Variants in ELAPOR2 observed in about 807,000 individuals in gnomAD.
ELAPOR2 encodes the protein endosome/lysosome-associated apoptosis and autophagy regulator family member 2.
Under a neutral mutation model 120.7 loss-of-function variants are expected in ELAPOR2, and 89 were observed. That is an observed-to-expected ratio of 0.74 (90% CI 0.62 to 0.88). The LOEUF (loss-of-function observed/expected upper bound fraction) is 0.88, where lower values mean the gene tolerates loss of function less well. ELAPOR2 is among the 40% of genes least tolerant of loss of function. ELAPOR2 has a pLI of 0.00. For synonymous variants in ELAPOR2, 444 were observed against 444.9 expected, an observed-to-expected ratio of 1.00 and a Z score of 0.03; for missense variants, 1,134 against 1,251.6, an observed-to-expected ratio of 0.91 and a Z score of 1.42.
At chr7:86,985,007 C>T (rs1792663272) in intron 1 of ELAPOR2, among the ~76,000 whole-genome samples, 1 of 152,122 alleles carries the variant, frequency 6.6e-6, no homozygotes, top group Middle Eastern at 3.4e-3. Context: ...GGGGATATCA[C>T]CACCAATCCC....
chr7:86,996,639 A>T (rs1342140860), intron 1 of ELAPOR2, among the ~76,000 whole-genome samples: 1 of 152,202 alleles, frequency 6.6e-6, no homozygotes, highest in Non-Finnish European at 1.5e-5. Context: ...TTCTTAAAAG[A>T]CCACACTGGC....
intron 1 of ELAPOR2, among the ~76,000 whole-genome samples, chr7:86,974,579 T>TAG (rs1478968448): frequency 2.5e-5 from 1 of 39,366 alleles, no homozygotes; most frequent in Admixed American, 2.5e-4. Flanking sequence ...TGAACCCCTG[T>TAG]AGTGTGTGTG....
chr7:86,950,640 G>C (rs915652379), intron 2 of ELAPOR2, among the ~76,000 whole-genome samples: 7 of 152,214 alleles, frequency 4.6e-5, no homozygotes, highest in African/African-American at 1.7e-4. Context: ...ATGCCTGGCT[G>C]TGCATGGTAG....
At chr7:87,009,724 T>C (rs1270169165) in intron 1 of ELAPOR2, among the ~76,000 whole-genome samples, 1 of 152,140 alleles carries the variant, frequency 6.6e-6, no homozygotes, top group Non-Finnish European at 1.5e-5. Flanking sequence ...CCTCTAGCAA[T>C]AAAAAGGCCC....
intron 12 of ELAPOR2, among the ~76,000 whole-genome samples, chr7:86,917,102 G>A (rs891756506): frequency 2.7e-5 from 4 of 150,786 alleles, no homozygotes; most frequent in Non-Finnish European, 4.4e-5. Flanking sequence ...CATCACGCCA[G>A]CCTCTACTGT....
intron 19 of ELAPOR2, among the ~76,000 whole-genome samples, chr7:86,897,274 C>T (rs570187887): frequency 4.6e-5 from 7 of 152,166 alleles, no homozygotes; most frequent in African/African-American, 1.2e-4. Context: ...CAGGTAAATA[C>T]TAAAAGCCTG....
At chr7:87,011,756 A>G (rs1428368154) in intron 1 of ELAPOR2, among the ~76,000 whole-genome samples, 4 of 152,196 alleles carry the variant, frequency 2.6e-5, no homozygotes, top group Non-Finnish European at 5.9e-5. Context: ...CTTTCTAACA[A>G]TATTAAAGGT....
chr7:87,046,669 T>C (rs1794968077), intron 1 of ELAPOR2, among the ~76,000 whole-genome samples: 1 of 152,194 alleles, frequency 6.6e-6, no homozygotes, highest in African/African-American at 2.4e-5. Flanking sequence ...TGAGATCTGA[T>C]GATGTCATAA....
At chr7:86,886,928 A>G (rs1799720464) in intron 21 of ELAPOR2, among the ~76,000 whole-genome samples, 1 of 152,132 alleles carries the variant, frequency 6.6e-6, no homozygotes, top group Non-Finnish European at 1.5e-5. Flanking sequence ...TCAATCATCT[A>G]TGAATAACTG....
At chr7:87,003,075 C>T (rs953791868) in intron 1 of ELAPOR2, among the ~76,000 whole-genome samples, 2 of 152,136 alleles carry the variant, frequency 1.3e-5, no homozygotes, top group African/African-American at 4.8e-5. Flanking sequence ...TAGAGTCACA[C>T]AGGTTCTACA....
At chr7:87,043,075 T>C (rs965378912) in intron 1 of ELAPOR2, among the ~76,000 whole-genome samples, 7 of 151,972 alleles carry the variant, frequency 4.6e-5, no homozygotes, top group Admixed American at 2.6e-4. Flanking sequence ...AAGTTGAATC[T>C]CTGAATAGAC....
intron 1 of ELAPOR2, among the ~76,000 whole-genome samples, chr7:87,042,770 C>T (rs1471111179): frequency 6.6e-6 from 1 of 151,988 alleles, no homozygotes; most frequent in Non-Finnish European, 1.5e-5. Flanking sequence ...CAGAGCAGAA[C>T]TGAAGGAAAT....
chr7:86,987,848 T>C (rs1792807539), intron 1 of ELAPOR2, among the ~76,000 whole-genome samples: 1 of 152,194 alleles, frequency 6.6e-6, no homozygotes, highest in African/African-American at 2.4e-5. Context: ...TATTACTGGG[T>C]ATATACCCAA....
At chr7:87,020,885 T>C (rs1794017686) in intron 1 of ELAPOR2, among the ~76,000 whole-genome samples, 1 of 152,248 alleles carries the variant, frequency 6.6e-6, no homozygotes, top group East Asian at 1.9e-4. Context: ...CCTCTACCAG[T>C]AGATTCCAGG....
chr7:86,945,596 T>C (rs558988719), intron 3 of ELAPOR2, among the ~76,000 whole-genome samples: 1 of 152,320 alleles, frequency 6.6e-6, no homozygotes, highest in African/African-American at 2.4e-5. Context: ...TACCATTGTA[T>C]TGTAGGGTTT....
chr7:86,984,791 C>G (rs201588998), intron 1 of ELAPOR2, among the ~76,000 whole-genome samples: 2 of 152,084 alleles, frequency 1.3e-5, no homozygotes, highest in South Asian at 2.1e-4. Flanking sequence ...GAAGCAAGAA[C>G]AAACACATTC....
chr7:86,930,623 G>A (rs1246870715), intron 8 of ELAPOR2, among the ~76,000 whole-genome samples: 3 of 151,890 alleles, frequency 2.0e-5, no homozygotes, highest in African/African-American at 7.2e-5. Flanking sequence ...TCTGTGATCC[G>A]CAGTTCACCT....
At chr7:86,898,974 A>ATGAAG (rs1315348866) in intron 18 of ELAPOR2, among the ~76,000 whole-genome samples, 1 of 152,174 alleles carries the variant, frequency 6.6e-6, no homozygotes, top group Non-Finnish European at 1.5e-5. Flanking sequence ...TCAACATGCA[A>ATGAAG]TGAAGTGATG....
intron 16 of ELAPOR2, 125 bp downstream of exon 16, chr7:86,909,687 G>A: frequency 2.5e-6 from 2 of 791,746 alleles, no homozygotes; most frequent in South Asian, 4.3e-5. Flanking sequence ...CTTACAAAGT[G>A]ACAATTTAAA....
Sources: gnomAD v4.1 joint callset for allele counts (sites outside exome capture counted in the v4.1 genomes callset) on GRCh38, gnomAD v4.1.1 for gene constraint, MANE v1.5 for transcripts, NCBI Gene and HGNC (gene_info 2026-07-23, HGNC 2026-07-21) for gene names.